Variants in PIR observed in about 807,000 individuals in gnomAD.
PIR encodes pirin, also known as pirin (iron-binding nuclear protein).
Under a neutral mutation model 24.2 loss-of-function variants are expected in PIR, and 22 were observed. The observed-to-expected ratio is 0.91, with a 90% CI of 0.65 to 1.30. The LOEUF (loss-of-function observed/expected upper bound fraction) is 1.30. PIR is among the 50% of genes most tolerant of loss of function. The pLI is 0.00. For synonymous variants in PIR, 80 were observed against 79.6 expected, an observed-to-expected ratio of 1.00 and a Z score of -0.03; for missense variants, 220 against 220.3, an observed-to-expected ratio of 1.00 and a Z score of 0.01.
intron 5 of PIR, among the ~76,000 whole-genome samples, chrX:15,430,649 T>C (rs1286037645): frequency 9.0e-6 from 1 of 111,663 alleles, no homozygotes; most frequent in Non-Finnish European, 1.9e-5. Context: ...TCCAACTACC[T>C]TCATCTTATG....
At chrX:15,403,632 G>T (rs1240846514) in intron 7 of PIR, among the ~76,000 whole-genome samples, 1 of 110,280 alleles carries the variant, frequency 9.1e-6, no homozygotes, top group East Asian at 2.8e-4. Flanking sequence ...TCCAGCTGTG[G>T]GCTGGTCAGA....
At chrX:15,425,568 C>T (rs150280257) in intron 6 of PIR, among the ~76,000 whole-genome samples, 4,714 of 110,295 alleles carry the variant, frequency 0.043, 266 homozygotes, top group African/African-American at 0.14. Context: ...TGCGCCACCA[C>T]GCCCAGCTAG....
At position 15,484,869 on chromosome X, in the gene PIR, G is replaced by A. The variant is rs1374691785; in HGVS notation, c.97-5048C>T. ...TTTGTACACAAAGCGTTGAGAGACC[G>A]GGTTCCTCTTGATGGCATATAGTAA... On this transcript the variant is annotated intron_variant, in intron 2 of 9. Transcript: ENST00000380420. Among the ~76,000 whole-genome samples, 11 of 111,909 alleles carry A rather than the reference G, an allele frequency of 9.8e-5. No individual in the cohort carries two copies. The East Asian group carries it at 2.8e-3, about 28-fold the overall frequency.
intron 5 of PIR, among the ~76,000 whole-genome samples, chrX:15,436,159 T>C (rs982306039): frequency 1.8e-5 from 2 of 112,532 alleles, no homozygotes; most frequent in African/African-American, 6.5e-5. Flanking sequence ...CATAAAAGAC[T>C]GTGGACAGTC....
At chrX:15,403,584 C>A (rs1924457807) in intron 7 of PIR, among the ~76,000 whole-genome samples, 1 of 109,771 alleles carries the variant, frequency 9.1e-6, no homozygotes, top group African/African-American at 3.4e-5. Context: ...TTTTTATTTT[C>A]TTTTGACTTT....
At chrX:15,470,568 C>G (rs1921834887) in intron 3 of PIR, among the ~76,000 whole-genome samples, 1 of 106,369 alleles carries the variant, frequency 9.4e-6, no homozygotes, top group Non-Finnish European at 1.9e-5. Flanking sequence ...CATTTCCCCC[C>G]ACTCAATTTT....
chrX:15,478,785 C>G (rs1311765197), intron 3 of PIR, among the ~76,000 whole-genome samples: 2 of 111,492 alleles, frequency 1.8e-5, no homozygotes, highest in Non-Finnish European at 3.8e-5. Flanking sequence ...CTCCCTCTGC[C>G]TTCTGCTCAC....
At position 15,397,734 on chromosome X, in the gene PIR, C is replaced by G. The variant is rs1289165167; in HGVS notation, c.611-203G>C. Among the ~76,000 whole-genome samples the G allele has an allele frequency of 5.5e-5, 5 of 90,122 alleles. No individual in the cohort carries two copies. The Admixed American group carries it at 6.1e-4, about 11-fold the overall frequency. The allele number at this position is 90,122 out of a possible 115,157, so 78.3% of individuals were successfully genotyped here. On this transcript the variant is annotated intron_variant, in intron 7 of 9. Transcript: ENST00000380420. ...GTTTGTTTTCAATTTTGAAAAAGGA[C>G]AAGGAGATGAATCCTGCGTGTGTTT...
intron 6 of PIR, among the ~76,000 whole-genome samples, chrX:15,420,719 C>A (rs1253701455): frequency 3.6e-5 from 4 of 111,074 alleles, no homozygotes; most frequent in Non-Finnish European, 3.8e-5. Context: ...TGCCTGTAGT[C>A]CTAGCTACTT....
At chrX:15,464,102 A>AG (rs1245537743) in intron 3 of PIR, 4 of 112,630 alleles carry the variant, frequency 3.6e-5, no homozygotes, top group African/African-American at 1.3e-4. Context: ...TTATTGACAC[A>AG]GAAAAAAATG....
intron 3 of PIR, among the ~76,000 whole-genome samples, chrX:15,472,607 TAGTC>T (rs1178882992): frequency 1.8e-5 from 2 of 112,096 alleles, no homozygotes; most frequent in Non-Finnish European, 3.8e-5. Context: ...TTATATAAAA[TAGTC>T]AGAATAGACA....
At position 15,461,381 on chromosome X, in the gene PIR, T is replaced by C. The variant is rs543555323; in HGVS notation, c.190-1641A>G. On this transcript the variant is annotated intron_variant, in intron 3 of 9. Coordinates refer to ENST00000380420, the MANE Select transcript of PIR (RefSeq NM_001018109.3). The stretch of plus-strand genomic sequence containing the variant: ...AATTCATAGAAAATAAGTCAACTTT[T>C]CCAGGGACATGTCCATACTAAATCT... 3.4e-4 allele frequency among the ~76,000 whole-genome samples: 38 copies of C among 112,794 alleles called. No individual in the cohort carries two copies. In the South Asian group the frequency reaches 0.013, roughly 39 times the overall value.
intron 3 of PIR, among the ~76,000 whole-genome samples, chrX:15,475,852 C>A (rs1333330312): frequency 8.9e-6 from 1 of 112,216 alleles, no homozygotes; most frequent in Non-Finnish European, 1.9e-5. Context: ...GAATGCATTT[C>A]TCCTTTTGTG....
intron 3 of PIR, among the ~76,000 whole-genome samples, chrX:15,466,551 G>A (rs1157351503): frequency 1.8e-5 from 2 of 112,015 alleles, no homozygotes; most frequent in Non-Finnish European, 3.8e-5. Flanking sequence ...TATGCAGGGT[G>A]AAGTCCCTTC....
intron 9 of PIR, among the ~76,000 whole-genome samples, chrX:15,388,366 G>A (rs944063119): frequency 8.9e-6 from 1 of 111,890 alleles, no homozygotes; most frequent in Non-Finnish European, 1.9e-5. Context: ...GACCAGCATG[G>A]TAAGAGGCAG....
At chrX:15,390,146 GAA>G (rs1226570451) in intron 9 of PIR, 37 bp downstream of exon 9, 1 of 846,903 alleles carries the variant, frequency 1.2e-6, no homozygotes, top group East Asian at 3.3e-5. Flanking sequence ...CAAAGAAAAG[GAA>G]AATCAACCAA....
chrX:15,419,911 G>A (rs1364083513), intron 6 of PIR, among the ~76,000 whole-genome samples: 1 of 100,876 alleles, frequency 9.9e-6, no homozygotes, highest in African/African-American at 3.7e-5. Flanking sequence ...AAAAAAAAGT[G>A]TTTGAGGCTG....
At chrX:15,414,772 T>G (rs1368509147) in intron 6 of PIR, among the ~76,000 whole-genome samples, 1 of 111,078 alleles carries the variant, frequency 9.0e-6, no homozygotes, top group East Asian at 2.8e-4. Flanking sequence ...TCCCCCAAAG[T>G]GTGTGGATTA....
At chrX:15,461,795 T>A (rs763591536) in intron 3 of PIR, among the ~76,000 whole-genome samples, 4 of 111,228 alleles carry the variant, frequency 3.6e-5, no homozygotes, top group African/African-American at 1.3e-4. Flanking sequence ...AAAAAATAAA[T>A]AAATAAATAA....
Sources: gnomAD v4.1 joint callset for allele counts (sites outside exome capture counted in the v4.1 genomes callset) on GRCh38, gnomAD v4.1.1 for gene constraint, MANE v1.5 for transcripts, NCBI Gene and HGNC (gene_info 2026-07-23, HGNC 2026-07-21) for gene names.